ENO4: variants seen among roughly 807,000 people sequenced by gnomAD.
ENO4 encodes the protein enolase 4.
Under a neutral mutation model 63.2 loss-of-function variants are expected in ENO4, and 53 were observed. The ratio of observed to expected loss-of-function variants is 0.84; its 90% CI spans 0.67 to 1.05. ENO4 has a LOEUF of 1.05. Ranked by LOEUF, ENO4 falls within the 50% of genes least tolerant of loss-of-function variation. The pLI is 0.00. For missense variants in ENO4, 719 were observed against 772.0 expected (o/e 0.93, Z 0.81); for synonymous variants, 266 against 283.8 (o/e 0.94, Z 0.63).
chr10:116,908,384 T>C (rs1444772002), intron 10 of ENO4, among the ~76,000 whole-genome samples: 1 of 152,190 alleles, frequency 6.6e-6, no homozygotes, highest in Non-Finnish European at 1.5e-5. Context: ...ACATTGCTGA[T>C]ATGCTTCTAT....
intron 10 of ENO4, among the ~76,000 whole-genome samples, chr10:116,891,849 G>A (rs1847351713): frequency 6.6e-6 from 1 of 152,024 alleles, no homozygotes; most frequent in East Asian, 1.9e-4. Context: ...TATAATAAAG[G>A]CAGAACAAAG....
intron 10 of ENO4, among the ~76,000 whole-genome samples, chr10:116,899,444 A>C (rs1258281449): frequency 6.6e-6 from 1 of 151,524 alleles, no homozygotes; most frequent in Non-Finnish European, 1.5e-5. Flanking sequence ...GCCTAGGGTG[A>C]AGTGGTACTG....
rs960920561 is a variant in ENO4 at position 116,901,241 on chromosome 10, T to TA, written c.1195-10258_1195-10257insA. ...ACATTCAATAGCAGGATTAACTCTT[T>TA]GACAATCAAAGTGCCACTCTGAAGC... On this transcript the variant is annotated intron_variant, in intron 10 of 10. Coordinates refer to the ENO4 transcript ENST00000369207. 33 of 985,204 alleles carry TA rather than the reference T, an allele frequency of 3.3e-5. No homozygotes were observed. The African/African-American group carries it at 5.8e-4, about 17-fold the overall frequency. 61.0% of individuals were successfully genotyped at this position (985,204 alleles called of 1,614,324 possible).
chr10:116,906,895 T>C (rs150216965), intron 10 of ENO4: 2 of 640,982 alleles, frequency 3.1e-6, no homozygotes, highest in Admixed American at 3.6e-5. Context: ...ATTTTTTAAA[T>C]GTGCACATTT....
chr10:116,868,765 C>T lies in ENO4; in HGVS notation c.1047+59C>T, dbSNP rs896176301. On this transcript the variant is annotated intron_variant, in intron 8 of 13. Transcript: ENST00000341276. ...TGACACTGTCTATAAATTTCCTGCC[C>T]CTTTTTATCTTCCATAGTCACTTTT... The T allele has an allele frequency of 7.3e-5, 104 of 1,429,100 alleles. No individual in the cohort carries two copies. In the Admixed American group the frequency reaches 2.0e-3, roughly 27 times the overall value. The allele number at this position is 1,429,100 out of a possible 1,614,324, so 88.5% of individuals were successfully genotyped here. A position where few individuals can be genotyped will look rare whatever the true frequency, so the allele number is the denominator to read the frequency against.
intron 7 of ENO4, chr10:116,864,496 T>A (rs1288433949): frequency 2.0e-5 from 3 of 152,078 alleles, no homozygotes; most frequent in Admixed American, 6.5e-5. Flanking sequence ...AAAATTTTTT[T>A]AGAATTTTCT....
intron 9 of ENO4, among the ~76,000 whole-genome samples, chr10:116,872,981 A>T (rs1846737907): frequency 6.6e-6 from 1 of 152,214 alleles, no homozygotes; most frequent in African/African-American, 2.4e-5. Context: ...ACCATTAAAA[A>T]AAAAATTGCA....
At chr10:116,888,374 T>C (rs760056285) in intron 10 of ENO4, among the ~76,000 whole-genome samples, 2 of 152,166 alleles carry the variant, frequency 1.3e-5, no homozygotes, top group Non-Finnish European at 2.9e-5. Flanking sequence ...CTATGAGTAA[T>C]ATTAAGGATT....
chr10:116,854,005 C>G (rs928431809), intron 1 of ENO4, among the ~76,000 whole-genome samples: 7 of 152,172 alleles, frequency 4.6e-5, no homozygotes, highest in African/African-American at 1.7e-4. Context: ...AGCTCCTGCT[C>G]CTCTGCACAG....
intron 3 of ENO4, among the ~76,000 whole-genome samples, chr10:116,857,267 T>C (rs1428993506): frequency 6.6e-6 from 1 of 152,204 alleles, no homozygotes; most frequent in Admixed American, 6.5e-5. Flanking sequence ...AATCCGATTA[T>C]GAATCCAGAG....
chr10:116,901,524 T>G, intron 10 of ENO4: 2 of 985,356 alleles, frequency 2.0e-6, no homozygotes, highest in Non-Finnish European at 2.4e-6. Context: ...TAGAAGAACC[T>G]GATTACCAAA....
At chr10:116,880,071 C>A in intron 13 of ENO4, 85 bp downstream of exon 13, 2 of 1,027,306 alleles carry the variant, frequency 1.9e-6, no homozygotes, top group Non-Finnish European at 2.9e-6. Context: ...AGTCCCTCTG[C>A]AGGAGGGCAG....
At chr10:116,854,031 C>A (rs1053237669) in intron 1 of ENO4, among the ~76,000 whole-genome samples, 1 of 152,156 alleles carries the variant, frequency 6.6e-6, no homozygotes, top group African/African-American at 2.4e-5. Flanking sequence ...CCTTCCTGAG[C>A]GTTTTCTTGC....
At chr10:116,877,443 G>C (rs1846870092) in intron 11 of ENO4, among the ~76,000 whole-genome samples, 1 of 152,174 alleles carries the variant, frequency 6.6e-6, no homozygotes, top group Admixed American at 6.5e-5. Flanking sequence ...ATCAGAATTT[G>C]GAACCAGATC....
chr10:116,863,944 A>C (rs1269890519), intron 7 of ENO4, among the ~76,000 whole-genome samples: 3 of 151,958 alleles, frequency 2.0e-5, no homozygotes, highest in African/African-American at 7.3e-5. Context: ...GCCATTCATA[A>C]CTCCGTGACC....
intron 10 of ENO4, chr10:116,901,770 C>T (rs757477161): frequency 3.2e-5 from 51 of 1,593,714 alleles, no homozygotes; most frequent in Non-Finnish European, 4.1e-5. Context: ...CTTACTGAAA[C>T]GTAACCTTGG....
downstream of ENO4, chr10:116,886,529 C>T: frequency 1.2e-6 from 2 of 1,614,078 alleles, no homozygotes; most frequent in Non-Finnish European, 1.7e-6. Context: ...TTTTCACCGT[C>T]AATGTATTTT....
chr10:116,905,723 T>C (rs1847942596), intron 10 of ENO4, among the ~76,000 whole-genome samples: 1 of 152,208 alleles, frequency 6.6e-6, no homozygotes, highest in Non-Finnish European at 1.5e-5. Context: ...TGAAGCTGAC[T>C]GAACTCAATC....
chr10:116,889,737 G>C (rs1257085577), intron 10 of ENO4, among the ~76,000 whole-genome samples: 1 of 152,310 alleles, frequency 6.6e-6, no homozygotes, highest in Non-Finnish European at 1.5e-5. Context: ...GGAGGCTACA[G>C]GCTAGTTTTT....
Sources: allele counts gnomAD v4.1 joint callset (sites outside exome capture counted in the v4.1 genomes callset), GRCh38; gene constraint gnomAD v4.1.1; transcripts MANE v1.5; gene names NCBI Gene and HGNC (gene_info 2026-07-23, HGNC 2026-07-21).